AKAP6: variants seen among roughly 807,000 people sequenced by gnomAD.
The protein encoded by AKAP6 is A-kinase anchoring protein 6.
In AKAP6, 58 loss-of-function variants were observed where a neutral mutation model predicts 188.5. The observed-to-expected ratio is 0.31, with a 90% CI of 0.25 to 0.38. The LOEUF (loss-of-function observed/expected upper bound fraction) is 0.38, where lower values mean the gene tolerates loss of function less well. AKAP6 is among the 10% of genes least tolerant of loss of function. The probability of loss-of-function intolerance (pLI) is 1.00; values close to 1 mark genes in which losing one functional copy is unlikely to be tolerated. For synonymous variants in AKAP6, 989 were observed against 998.6 expected (o/e 0.99, Z 0.18); for missense variants, 2,710 against 2,740.0 (o/e 0.99, Z 0.24).
intron 4 of AKAP6, among the ~76,000 whole-genome samples, chr14:32,550,911 T>G (rs887440219): frequency 6.6e-6 from 1 of 152,190 alleles, no homozygotes; most frequent in Non-Finnish European, 1.5e-5. Context: ...TCTCTCTGCT[T>G]CTATTCTTCT....
chr14:32,372,939 A>G (rs1375618470), intron 1 of AKAP6, among the ~76,000 whole-genome samples: 1 of 152,026 alleles, frequency 6.6e-6, no homozygotes, highest in Non-Finnish European at 1.5e-5. Context: ...AAATTAAGTG[A>G]GTGGTTGAAG....
intron 10 of AKAP6, among the ~76,000 whole-genome samples, chr14:32,735,447 G>A (rs2031368620): frequency 2.0e-5 from 3 of 152,070 alleles, no homozygotes; most frequent in South Asian, 2.1e-4. Flanking sequence ...CTGAGAATTC[G>A]AATACTAAAT....
At chr14:32,786,113 C>T (rs754233908) in intron 12 of AKAP6, among the ~76,000 whole-genome samples, 1 of 151,936 alleles carries the variant, frequency 6.6e-6, no homozygotes, top group Non-Finnish European at 1.5e-5. Context: ...CATGAAACAA[C>T]CCCGTATGCA....
At chr14:32,646,252 A>G (rs1887982302) in intron 7 of AKAP6, among the ~76,000 whole-genome samples, 1 of 152,066 alleles carries the variant, frequency 6.6e-6, no homozygotes, top group South Asian at 2.1e-4. Context: ...ATAATAATAT[A>G]TAATACATAA....
intron 1 of AKAP6, among the ~76,000 whole-genome samples, chr14:32,397,380 T>C (rs1888915700): frequency 6.7e-6 from 1 of 149,082 alleles, no homozygotes. Context: ...TTATTGTCTT[T>C]TTTTTTTTTT....
At chr14:32,762,381 A>G (rs2300844) in intron 11 of AKAP6, among the ~76,000 whole-genome samples, 81,957 of 151,952 alleles carry the variant, frequency 0.54, 25,430 homozygotes, top group Admixed American at 0.69. Flanking sequence ...TAGAAAAGGA[A>G]CGATATAACA....
At chr14:32,641,270 G>T (rs1887742125) in intron 7 of AKAP6, among the ~76,000 whole-genome samples, 2 of 151,768 alleles carry the variant, frequency 1.3e-5, no homozygotes, top group South Asian at 4.2e-4. Context: ...TTATATAAAT[G>T]GAAGAAGTGG....
Position 32,732,620 on chromosome 14 carries a change from T to C in AKAP6, c.3147+20T>C, listed in dbSNP as rs1446062664. 23 of 1,611,994 alleles carry C rather than the reference T, an allele frequency of 1.4e-5. No individual in the cohort carries two copies. The highest frequency in any genetic ancestry group is 2.7e-5 in the African/African-American group (2 of 74,884). On this transcript the variant is annotated intron_variant, in intron 10 of 13. Coordinates refer to ENST00000280979, the MANE Select transcript of AKAP6 (RefSeq NM_004274.5). Reference sequence around the variant, plus strand: ...CTTGGGGTATTTGCATTTTTATTACTGTTTGTAGGTTATGTGTACATTTTT... The same window carrying C: ...CTTGGGGTATTTGCATTTTTATTACCGTTTGTAGGTTATGTGTACATTTTT...
chr14:32,674,962 G>A (rs544737721), intron 7 of AKAP6, among the ~76,000 whole-genome samples: 2 of 152,046 alleles, frequency 1.3e-5, no homozygotes, highest in African/African-American at 4.8e-5. Context: ...CATTATACTG[G>A]GTGAGCCAGT....
intron 11 of AKAP6, among the ~76,000 whole-genome samples, chr14:32,760,698 A>C (rs978615862): frequency 3.3e-5 from 5 of 152,206 alleles, no homozygotes; most frequent in Non-Finnish European, 5.9e-5. Flanking sequence ...TCTAAAGGAA[A>C]ATTAGCTTTA....
chr14:32,829,543 A>G lies in AKAP6; in HGVS notation c.*43-305A>G, dbSNP rs1036660035. Among the ~76,000 whole-genome samples the G allele has an allele frequency of 2.6e-5, 4 of 152,176 alleles. No individual in the cohort carries two copies. In the East Asian group the frequency reaches 7.7e-4, roughly 29 times the overall value. On this transcript the variant is annotated intron_variant, in intron 13 of 13. Coordinates refer to ENST00000280979, the MANE Select transcript of AKAP6 (RefSeq NM_004274.5). ...GATGTTCCAAACTGAGTGCACAGGC[A>G]AAAGAGTGGATGACATCCAGAGAAA...
At position 32,824,564 on chromosome 14, in the gene AKAP6, A is replaced by C; in HGVS notation, c.6751A>C (p.Ser2251Arg). ...AGAGTTTACTCCTTCAAAGCTTGAC[A>C]GTGAAAAGGAAAGTTCCGGAAAACC... ...NLEFTPSKLD[S>R]EKESSGKPGE... The change falls in exon 13 of 14, where the codon AGT becomes CGT. Residue 2251 changes from serine to arginine, a missense_variant. Ser to Arg is a moderately radical substitution (Grantham distance 110). Transcript: ENST00000280979. 6.2e-7 allele frequency: 1 copy of C among 1,613,942 alleles called. No individual in the cohort carries two copies. The highest frequency in any genetic ancestry group is 1.1e-5 in the South Asian group (1 of 91,074).
chr14:32,802,232 G>T (rs2033970588), intron 12 of AKAP6, among the ~76,000 whole-genome samples: 1 of 152,102 alleles, frequency 6.6e-6, no homozygotes. Context: ...ACTCAGCAAG[G>T]ATATGTTTTG....
At chr14:32,797,364 A>C (rs2033802763) in intron 12 of AKAP6, among the ~76,000 whole-genome samples, 1 of 152,214 alleles carries the variant, frequency 6.6e-6, no homozygotes, top group East Asian at 1.9e-4. Context: ...GAATCAACCT[A>C]AACCCTATCA....
chr14:32,617,886 C>T (rs1886649163), intron 7 of AKAP6, among the ~76,000 whole-genome samples: 1 of 152,174 alleles, frequency 6.6e-6, no homozygotes, highest in South Asian at 2.1e-4. Flanking sequence ...CTCAGCCTCC[C>T]AAAATGCCAG....
chr14:32,745,491 CTCTCTG>C (rs1486342290), intron 11 of AKAP6, among the ~76,000 whole-genome samples: 4 of 115,044 alleles, frequency 3.5e-5, no homozygotes, highest in Non-Finnish European at 6.2e-5. Context: ...CTCTCTCTCT[CTCTCTG>C]TCTCTCTCTC....
At chr14:32,444,279 G>C (rs891909333) in intron 2 of AKAP6, among the ~76,000 whole-genome samples, 19 of 152,272 alleles carry the variant, frequency 1.2e-4, no homozygotes, top group Middle Eastern at 3.4e-3. Flanking sequence ...TGGGAAGCAA[G>C]AAAAAGTTCA....
chr14:32,777,307 C>G (rs2033099646), intron 12 of AKAP6, among the ~76,000 whole-genome samples: 1 of 152,000 alleles, frequency 6.6e-6, no homozygotes, highest in South Asian at 2.1e-4. Context: ...TCTAAACCTA[C>G]CAGGAATGGA....
At chr14:32,649,455 A>G (rs1217335976) in intron 7 of AKAP6, among the ~76,000 whole-genome samples, 1 of 152,190 alleles carries the variant, frequency 6.6e-6, no homozygotes, top group Non-Finnish European at 1.5e-5. Flanking sequence ...CTTATTTTAC[A>G]TTTAATTATG....
Sources: allele counts gnomAD v4.1 joint callset (sites outside exome capture counted in the v4.1 genomes callset), GRCh38; gene constraint gnomAD v4.1.1; transcripts MANE v1.5; gene names NCBI Gene and HGNC (gene_info 2026-07-23, HGNC 2026-07-21).